The following CPQ variants were observed in gnomAD, a reference collection of about 807,000 sequenced individuals.
CPQ encodes Ser-Met dipeptidase.
CPQ carries 37 observed loss-of-function variants against 45.7 expected under a neutral mutation model. The ratio of observed to expected loss-of-function variants is 0.81; its 90% CI spans 0.62 to 1.07. CPQ has a LOEUF of 1.07. Ranked by LOEUF, CPQ falls within the 50% of genes least tolerant of loss-of-function variation. The pLI, the probability that CPQ is intolerant of heterozygous loss-of-function variation, is 0.00. For missense variants in CPQ, 537 were observed against 572.9 expected (o/e 0.94, Z 0.64); for synonymous variants, 186 against 205.8 (o/e 0.90, Z 0.82).
chr8:96,957,228 G>T (rs1467654696), intron 4 of CPQ, among the ~76,000 whole-genome samples: 1 of 152,108 alleles, frequency 6.6e-6, no homozygotes, highest in Non-Finnish European at 1.5e-5. Flanking sequence ...TGTGGTCCAG[G>T]GACATGGCAG....
intron 1 of CPQ, among the ~76,000 whole-genome samples, chr8:96,721,440 C>G (rs1191320786): frequency 6.6e-6 from 1 of 152,082 alleles, no homozygotes; most frequent in Non-Finnish European, 1.5e-5. Flanking sequence ...TATGGAGGGA[C>G]AGTACACCTA....
At chr8:96,661,900 C>T (rs1205135651) in intron 1 of CPQ, among the ~76,000 whole-genome samples, 3 of 152,244 alleles carry the variant, frequency 2.0e-5, no homozygotes, top group Non-Finnish European at 4.4e-5. Context: ...TTTACATTCT[C>T]ACCAGCAATG....
chr8:97,077,767 T>G (rs1048944789), intron 7 of CPQ, among the ~76,000 whole-genome samples: 2 of 152,128 alleles, frequency 1.3e-5, no homozygotes, highest in Non-Finnish European at 2.9e-5. Flanking sequence ...GAAAAAAATA[T>G]TTGAAAAAGT....
intron 6 of CPQ, among the ~76,000 whole-genome samples, chr8:97,030,315 T>G (rs1439564780): frequency 6.6e-6 from 1 of 152,184 alleles, no homozygotes; most frequent in African/African-American, 2.4e-5. Context: ...CAAGCTTAAA[T>G]TATCCAAATC....
At chr8:97,015,305 G>T (rs1235821258) in intron 5 of CPQ, among the ~76,000 whole-genome samples, 1 of 151,736 alleles carries the variant, frequency 6.6e-6, no homozygotes, top group African/African-American at 2.4e-5. Flanking sequence ...TAGAGAAAAA[G>T]AAATAGCATG....
At chr8:96,995,737 G>A (rs1031396861) in intron 5 of CPQ, among the ~76,000 whole-genome samples, 1 of 151,314 alleles carries the variant, frequency 6.6e-6, no homozygotes, top group Admixed American at 6.6e-5. Context: ...GTAAACTTGT[G>A]TCATGGGGGT....
intron 4 of CPQ, among the ~76,000 whole-genome samples, chr8:96,943,611 GTTTA>G (rs1333570014): frequency 6.6e-6 from 1 of 152,086 alleles, no homozygotes; most frequent in African/African-American, 2.4e-5. Context: ...GGTCCTCTTG[GTTTA>G]TTTAAGTTAA....
At chr8:96,989,492 G>GGAGGAGAGGA (rs796776955) in intron 5 of CPQ, among the ~76,000 whole-genome samples, 27 of 148,086 alleles carry the variant, frequency 1.8e-4, no homozygotes, top group African/African-American at 6.5e-4. Flanking sequence ...AGAGGGGAGT[G>GGAGGAGAGGA]GAGGAGAGGA....
At chr8:96,702,796 T>C (rs1809481372) in intron 1 of CPQ, among the ~76,000 whole-genome samples, 2 of 152,258 alleles carry the variant, frequency 1.3e-5, no homozygotes, top group Admixed American at 1.3e-4. Context: ...TAAACAAGTG[T>C]CTTCTTTGAG....
At chr8:96,812,981 G>A (rs2130830502) in intron 2 of CPQ, among the ~76,000 whole-genome samples, 1 of 152,056 alleles carries the variant, frequency 6.6e-6, no homozygotes, top group Admixed American at 6.5e-5. Flanking sequence ...TTCTTCCTAC[G>A]ATATTGGTCC....
At chr8:96,831,554 G>T (rs116629162) in intron 2 of CPQ, among the ~76,000 whole-genome samples, 3,360 of 152,050 alleles carry the variant, frequency 0.022, 134 homozygotes, top group African/African-American at 0.077. Flanking sequence ...TATTCCCTTT[G>T]GTATAAGGTG....
intron 2 of CPQ, among the ~76,000 whole-genome samples, chr8:96,789,920 C>A (rs114825998): frequency 6.6e-6 from 1 of 152,196 alleles, no homozygotes; most frequent in African/African-American, 2.4e-5. Flanking sequence ...TAGGTATGAC[C>A]TAGGACATGT....
At chr8:96,881,336 G>A (rs990716140) in intron 4 of CPQ, among the ~76,000 whole-genome samples, 3 of 152,140 alleles carry the variant, frequency 2.0e-5, no homozygotes, top group African/African-American at 7.2e-5. Flanking sequence ...GGAGTGAGGT[G>A]TCTTAGATGG....
intron 1 of CPQ, among the ~76,000 whole-genome samples, chr8:96,776,890 AG>A (rs1396306404): frequency 6.6e-6 from 1 of 152,172 alleles, no homozygotes; most frequent in Non-Finnish European, 1.5e-5. Context: ...TTAAAAAAAT[AG>A]TTGTTTAACA....
chr8:97,113,193 T>A (rs1397097030), intron 7 of CPQ, among the ~76,000 whole-genome samples: 1 of 152,142 alleles, frequency 6.6e-6, no homozygotes, highest in Admixed American at 6.6e-5. Flanking sequence ...GGAAGGCAGA[T>A]GATCAAGCAG....
At chr8:96,707,643 T>A (rs1296053651) in intron 1 of CPQ, among the ~76,000 whole-genome samples, 1 of 152,002 alleles carries the variant, frequency 6.6e-6, no homozygotes, top group Non-Finnish European at 1.5e-5. Context: ...CTTACTGGCT[T>A]AAACAACACA....
chr8:96,891,524 A>G (rs1032926177), intron 4 of CPQ, among the ~76,000 whole-genome samples: 1 of 152,180 alleles, frequency 6.6e-6, no homozygotes, highest in Non-Finnish European at 1.5e-5. Context: ...TCATGGGCCC[A>G]TTGAGCAATG....
In CPQ at chr8:96,926,576, CTCTTCTTCT is replaced by C. The variant is rs60745622; in HGVS notation, c.850-39319_850-39311del. 8.3e-3 allele frequency among the ~76,000 whole-genome samples: 623 copies of C among 75,022 alleles called. 6 individuals carry two copies. Among genetic ancestry groups the C allele is most frequent in the Middle Eastern group, 0.012 (2 of 166 alleles). The allele number at this position is 75,022 out of a possible 152,430, so 49.2% of individuals were successfully genotyped here. On this transcript the variant is annotated intron_variant, in intron 4 of 7. Coordinates refer to ENST00000220763, the MANE Select transcript of CPQ (RefSeq NM_016134.4). ...CCTCTTCCTCTTCCTCTTCCTCTTC[CTCTTCTTCT>C]TCTTCTTCTTCTTCTTCTTCTTCTT...
At chr8:97,068,489 C>T (rs1295477280) in intron 7 of CPQ, among the ~76,000 whole-genome samples, 1 of 152,048 alleles carries the variant, frequency 6.6e-6, no homozygotes, top group Non-Finnish European at 1.5e-5. Flanking sequence ...CAAAGTTAGC[C>T]GGATGTGGTG....
Sources: gnomAD v4.1 joint callset for allele counts (sites outside exome capture counted in the v4.1 genomes callset) on GRCh38, gnomAD v4.1.1 for gene constraint, MANE v1.5 for transcripts, NCBI Gene and HGNC (gene_info 2026-07-23, HGNC 2026-07-21) for gene names.